Variants in PCDHGB7 observed in about 807,000 individuals in gnomAD.
The protein encoded by PCDHGB7 is protocadherin gamma-B7.
A neutral mutation model predicts 61.4 loss-of-function variants in PCDHGB7; 37 were observed. The ratio of observed to expected loss-of-function variants is 0.60; its 90% CI spans 0.46 to 0.79. PCDHGB7 has a LOEUF of 0.79. Among genes scored for constraint, PCDHGB7 ranks in the 30% least tolerant of loss-of-function variants. The pLI is 0.00. For synonymous variants in PCDHGB7, 464 were observed against 503.5 expected (o/e 0.92, Z 1.05); for missense variants, 1,166 against 1,202.5 (o/e 0.97, Z 0.45).
rs144789830 is a variant in PCDHGB7 at position 141,503,198 on chromosome 5, C to T, written c.2475-2195C>T. Among the ~76,000 whole-genome samples the T allele has an allele frequency of 3.7e-3, 561 of 152,172 alleles. 5 individuals carry two copies. Among genetic ancestry groups the T allele is most frequent in the Admixed American group, 0.011 (164 of 15,268 alleles). ...TATTGTGTAATTATTTAAAATCAGC[C>T]TCTCAGTGCCCACCATGAGCACCGT... On this transcript the variant is annotated intron_variant, in intron 2 of 3. Coordinates refer to ENST00000398594, the MANE Select transcript of PCDHGB7 (RefSeq NM_018927.4).
Position 141,432,098 on chromosome 5 carries a change from G to C in PCDHGB7, c.2415+11824G>C, listed in dbSNP as rs771050429. The C allele has an allele frequency of 1.9e-6, 3 of 1,613,938 alleles. No homozygotes were observed. The highest frequency in any genetic ancestry group is 1.7e-5 in the Admixed American group (1 of 59,992). On this transcript the variant is annotated intron_variant, in intron 1 of 3. Transcript: ENST00000398594. The surrounding 1 kb of genome is among the most constrained non-coding windows in gnomAD (Gnocchi z 6.0). ...CTCGCTGAACGTGGCAGACACCAAC[G>C]ACAACCCGCCGGTCTTCCCTCAGGC...
At chr5:141,455,860 ATTATTTAT>A (rs145569377) in intron 1 of PCDHGB7, among the ~76,000 whole-genome samples, 26,605 of 139,696 alleles carry the variant, frequency 0.19, 2,610 homozygotes, top group Middle Eastern at 0.23. Context: ...AATTTCTTTT[ATTATTTAT>A]TTATTTATTT....
At chr5:141,422,138 T>G (rs1201680879) in intron 1 of PCDHGB7, 1 of 1,587,640 alleles carries the variant, frequency 6.3e-7, no homozygotes, top group Admixed American at 1.9e-5. Context: ...GAAGTTCAAG[T>G]ACGGGGGTCT....
Position 141,489,381 on chromosome 5 carries a change from T to C in PCDHGB7, c.2416-5426T>C. 3 of 1,613,894 alleles carry C rather than the reference T, an allele frequency of 1.9e-6. No individual in the cohort carries two copies. The highest frequency in any genetic ancestry group is 2.5e-6 in the Non-Finnish European group (3 of 1,179,802). On this transcript the variant is annotated intron_variant, in intron 1 of 3. Coordinates refer to ENST00000398594, the MANE Select transcript of PCDHGB7 (RefSeq NM_018927.4). The surrounding 1 kb of genome is among the most constrained non-coding windows in gnomAD (Gnocchi z 4.5). ...CTGAGCCGGGGACGCTGGTGGGGAA[T>C]GTTGCTCAGGATCTGGGCTTAAAGA...
At position 141,487,465 on chromosome 5, in the gene PCDHGB7, T is replaced by C. The variant is rs1354086784; in HGVS notation, c.2416-7342T>C. 1.9e-6 allele frequency: 3 copies of C among 1,614,194 alleles called. No individual in the cohort carries two copies. The highest frequency in any genetic ancestry group is 1.7e-6 in the Non-Finnish European group (2 of 1,180,020). Reference sequence around the variant, plus strand: ...CAGATGACCCTATCAAGTTTGTTGATGTGGGAGGCCACTCTCATGGCTGTA... The same window carrying C: ...CAGATGACCCTATCAAGTTTGTTGACGTGGGAGGCCACTCTCATGGCTGTA... On this transcript the variant is annotated intron_variant, in intron 1 of 3. Transcript: ENST00000398594. The surrounding 1 kb of genome is among the most constrained non-coding windows in gnomAD (Gnocchi z 5.0).
At chr5:141,458,662 C>A (rs948275548) in intron 1 of PCDHGB7, among the ~76,000 whole-genome samples, 2 of 152,064 alleles carry the variant, frequency 1.3e-5, no homozygotes, top group Non-Finnish European at 2.9e-5. Flanking sequence ...CTCCACCTCT[C>A]GGGTTCAAGC....
At chr5:141,470,628 G>T (rs1475199767) in intron 1 of PCDHGB7, among the ~76,000 whole-genome samples, 12 of 152,146 alleles carry the variant, frequency 7.9e-5, no homozygotes, top group Admixed American at 7.9e-4. Flanking sequence ...GCTTAGATAG[G>T]CCCCCTTGCT....
rs376621545 is a variant in PCDHGB7, at chr5:141,422,143, G to A, written c.2415+1869G>A. The stretch of plus-strand genomic sequence containing the variant: ...ACAAACTGGAGAAGTTCAAGTACGG[G>A]GGTCTCTGGATTTTGAAAAATATAG... On this transcript the variant is annotated intron_variant, in intron 1 of 3. Transcript: ENST00000398594. 36 of 1,583,638 alleles carry A rather than the reference G, an allele frequency of 2.3e-5. No individual in the cohort carries two copies. The African/African-American group carries it at 3.8e-4, about 17-fold the overall frequency.
intron 1 of PCDHGB7, among the ~76,000 whole-genome samples, chr5:141,482,144 G>C (rs564178008): frequency 1.3e-4 from 20 of 151,858 alleles, no homozygotes; most frequent in Admixed American, 9.8e-4. Flanking sequence ...GGCATAAAAA[G>C]GTCAAGTCAA....
rs144804989 is a variant in PCDHGB7 at position 141,489,791 on chromosome 5, C to T, written c.2416-5016C>T. 1.9e-6 allele frequency: 3 copies of T among 1,614,056 alleles called. No individual in the cohort carries two copies. Among genetic ancestry groups the T allele is most frequent in the Admixed American group, 1.7e-5 (1 of 60,010 alleles). Reference sequence around the variant, plus strand: ...AGCCACTTCTCTCTGAATGTGAAGACCCTAAAAGATGGGAAGCCATTCCCA... The same window carrying T: ...AGCCACTTCTCTCTGAATGTGAAGATCCTAAAAGATGGGAAGCCATTCCCA... On this transcript the variant is annotated intron_variant, in intron 1 of 3. Transcript: ENST00000398594. This position sits in a 1 kb window ranked among gnomAD's most constrained non-coding sequence, Gnocchi z 4.5.
At chr5:141,475,903 G>A in intron 1 of PCDHGB7, 1 of 576,064 alleles carries the variant, frequency 1.7e-6, no homozygotes. Context: ...TGCCGCTGTC[G>A]GCCAATGAAG....
In PCDHGB7 at chr5:141,419,316, G is replaced by C. The variant is rs775328616; in HGVS notation, c.1457G>C (p.Arg486Pro). ...ASDPDFGLNG[R>P]VSYSLIASDL... ...GACCCAGACTTCGGGCTCAACGGCC[G>C]TGTCTCCTACTCTCTCATTGCCAGC... Residue 486 changes from arginine (R) to proline (P), a missense_variant, in exon 1 of 4, where the codon CGT (arginine) becomes CCT (proline). Physicochemically the swap from Arg to Pro is moderately radical, Grantham distance 103. Coordinates refer to ENST00000398594, the MANE Select transcript of PCDHGB7 (RefSeq NM_018927.4). 2 of 1,613,876 alleles carry C rather than the reference G, an allele frequency of 1.2e-6. No individual in the cohort carries two copies. The highest frequency in any genetic ancestry group is 1.3e-5 in the African/African-American group (1 of 74,958).
At chr5:141,453,145 G>A (rs1329081754) in intron 1 of PCDHGB7, among the ~76,000 whole-genome samples, 3 of 151,752 alleles carry the variant, frequency 2.0e-5, no homozygotes, top group Admixed American at 6.6e-5. Context: ...ATAGGGTCTC[G>A]CTATGTCACC....
chr5:141,497,544 T>C (rs1410779650), intron 2 of PCDHGB7, among the ~76,000 whole-genome samples: 4 of 150,796 alleles, frequency 2.7e-5, no homozygotes, highest in African/African-American at 9.8e-5. Flanking sequence ...ACAAACCTTT[T>C]TTTTTTTTTT....
At chr5:141,430,752 A>C (rs772436100) in intron 1 of PCDHGB7, 1 of 1,501,400 alleles carries the variant, frequency 6.7e-7, no homozygotes, top group East Asian at 2.3e-5. Context: ...TTCTGGAGGA[A>C]GATAAGAATG....
chr5:141,500,641 TA>T (rs1306300025), intron 2 of PCDHGB7, among the ~76,000 whole-genome samples: 4 of 152,346 alleles, frequency 2.6e-5, no homozygotes, highest in Middle Eastern at 3.4e-3. Flanking sequence ...ACTAGTTTTT[TA>T]AAAATAGCAA....
Position 141,423,157 on chromosome 5 carries a change from G to C in PCDHGB7, c.2415+2883G>C, listed in dbSNP as rs527921011. The C allele has an allele frequency of 7.4e-6, 12 of 1,610,820 alleles. No homozygotes were observed. The South Asian group carries it at 1.2e-4, about 16-fold the overall frequency. ...CAGAGACGCGCTCAAGCAGAGCCTC[G>C]TGGTGGCCGTCCAGGACCACGGCCA... On this transcript the variant is annotated intron_variant, in intron 1 of 3. Coordinates refer to ENST00000398594, the MANE Select transcript of PCDHGB7 (RefSeq NM_018927.4).
At chr5:141,429,845 T>C (rs888160645) in intron 1 of PCDHGB7, among the ~76,000 whole-genome samples, 4 of 152,222 alleles carry the variant, frequency 2.6e-5, no homozygotes, top group Non-Finnish European at 1.5e-5. Context: ...GGTAAGTCTG[T>C]AACATTCTTT....
intron 1 of PCDHGB7, chr5:141,478,642 T>C (rs777741719): frequency 6.4e-7 from 1 of 1,552,350 alleles, no homozygotes; most frequent in Non-Finnish European, 8.7e-7. Context: ...GTGATGAAGA[T>C]GTTTTCCTGG....
Sources: allele counts gnomAD v4.1 joint callset (sites outside exome capture counted in the v4.1 genomes callset), GRCh38; gene constraint gnomAD v4.1.1; non-coding constraint Gnocchi (gnomAD v3.1); transcripts MANE v1.5; gene names NCBI Gene and HGNC (gene_info 2026-07-23, HGNC 2026-07-21).